The following COL28A1 variants were observed in gnomAD, a reference collection of about 807,000 sequenced individuals.
The protein encoded by COL28A1 is collagen alpha-1(XXVIII) chain.
Under a neutral mutation model 150.2 loss-of-function variants are expected in COL28A1, and 161 were observed. The observed-to-expected ratio is 1.07, with a 90% CI of 0.94 to 1.22. COL28A1 has a LOEUF of 1.22. COL28A1 is among the 50% of genes most tolerant of loss of function. The probability of loss-of-function intolerance (pLI) is 0.00; values close to 1 mark genes in which losing one functional copy is unlikely to be tolerated. For synonymous variants in COL28A1, 552 were observed against 469.7 expected (o/e 1.18, Z -2.26); for missense variants, 1,617 against 1,388.3 (o/e 1.16, Z -2.62).
intron 25 of COL28A1, among the ~76,000 whole-genome samples, chr7:7,429,819 G>C (rs940649227): frequency 1.3e-5 from 2 of 152,168 alleles, no homozygotes; most frequent in Admixed American, 1.3e-4. Context: ...TTCTCCCCCG[G>C]GCTCTGCCTG....
At chr7:7,429,460 C>T (rs188239414) in intron 25 of COL28A1, among the ~76,000 whole-genome samples, 1,307 of 130,552 alleles carry the variant, frequency 0.01, 36 homozygotes, top group African/African-American at 0.042. Flanking sequence ...TCTCTGTGCT[C>T]TGTGTGTGTG....
chr7:7,401,307 G>A (rs1270584263), intron 27 of COL28A1, among the ~76,000 whole-genome samples: 4 of 151,734 alleles, frequency 2.6e-5, no homozygotes, highest in Admixed American at 6.6e-5. Flanking sequence ...CTCTCCACAC[G>A]TCCTCATCCA....
chr7:7,514,106 C>A (rs1781294930), intron 8 of COL28A1, among the ~76,000 whole-genome samples: 1 of 152,204 alleles, frequency 6.6e-6, no homozygotes, highest in African/African-American at 2.4e-5. Flanking sequence ...TGAAATTAAT[C>A]TTTTCAAAAA....
At position 7,441,635 on chromosome 7, in the gene COL28A1, G is replaced by A. The variant is rs1314100706; in HGVS notation, c.1651-774C>T. Among the ~76,000 whole-genome samples the A allele has an allele frequency of 2.6e-5, 4 of 152,084 alleles. No homozygotes were observed. The East Asian group carries it at 7.7e-4, about 29-fold the overall frequency. ...GTTGAGCAACAGAATCACCTGGAGA[G>A]CTTGTTAGACCACAGATTGCTGGGC... On this transcript the variant is annotated intron_variant, in intron 20 of 34. Transcript: ENST00000399429.
intron 22 of COL28A1, among the ~76,000 whole-genome samples, chr7:7,437,151 T>G (rs1785403365): frequency 6.6e-6 from 1 of 152,178 alleles, no homozygotes; most frequent in Admixed American, 6.6e-5. Flanking sequence ...GCATTAGGGT[T>G]TAGGATTTGG....
the COL28A1 span, among the ~76,000 whole-genome samples, chr7:7,346,086 T>TAGG: frequency 3.9e-5 from 6 of 152,168 alleles, no homozygotes; most frequent in Non-Finnish European, 8.8e-5. Context: ...CTACTAAAAC[T>TAGG]AAAGTTTAAG....
At chr7:7,356,271 G>A (rs945698344), downstream of COL28A1, 2 of 152,116 alleles carry the variant, frequency 1.3e-5, no homozygotes, top group African/African-American at 2.4e-5. Flanking sequence ...GATATATAGA[G>A]TTTTACATGT....
the COL28A1 span, among the ~76,000 whole-genome samples, chr7:7,341,810 G>A: frequency 1.3e-5 from 2 of 152,032 alleles, no homozygotes; most frequent in African/African-American, 4.8e-5. Context: ...CAGAGAAAAT[G>A]CTTTGCCTTT....
chr7:7,364,951 G>A (rs763368802), intron 33 of COL28A1, among the ~76,000 whole-genome samples: 2 of 152,090 alleles, frequency 1.3e-5, no homozygotes, highest in East Asian at 1.9e-4. Flanking sequence ...TGCAAAGAGC[G>A]AAAGAGAAAG....
At chr7:7,521,828 C>T (rs1781740652) in intron 5 of COL28A1, 77 bp downstream of exon 5, 1 of 819,904 alleles carries the variant, frequency 1.2e-6, no homozygotes, top group Non-Finnish European at 2.2e-6. Flanking sequence ...GCAAAATAGC[C>T]CCGATGTTTT....
intron 20 of COL28A1, among the ~76,000 whole-genome samples, 197 bp downstream of exon 20, chr7:7,443,388 C>G (rs963624201): frequency 5.3e-5 from 8 of 152,046 alleles, no homozygotes; most frequent in Non-Finnish European, 1.2e-4. Context: ...CTGGGTCTTA[C>G]AATAGACGTT....
intron 5 of COL28A1, 73 bp downstream of exon 5, chr7:7,521,832 A>G (rs1781741101): frequency 1.3e-5 from 11 of 827,746 alleles, no homozygotes; most frequent in Non-Finnish European, 2.4e-5. Flanking sequence ...AATAGCCCCG[A>G]TGTTTTCAAG....
chr7:7,465,555 C>A (rs1256635988), intron 15 of COL28A1, among the ~76,000 whole-genome samples: 3 of 138,830 alleles, frequency 2.2e-5, no homozygotes, highest in African/African-American at 8.1e-5. Context: ...CCCAGGCTTG[C>A]TTAGGTAAAC....
At position 7,531,479 on chromosome 7, in the gene COL28A1, A is replaced by G; in HGVS notation, c.550T>C (p.Ser184Pro). ...GTAGAAAGTGCAATGGTGATAAATG[A>G]TATTCCTGAAATTCTGGCATCTTCA... ...ISEDARISGISFITIALSTVV... is the reference protein window; with the variant it reads ...ISEDARISGIPFITIALSTVV... The change falls in exon 3 of 35, where the codon TCA becomes CCA. Residue 184 changes from serine to proline, a missense_variant. Physicochemically the swap from Ser to Pro is moderately conservative, Grantham distance 74 (BLOSUM62 -1). Coordinates refer to ENST00000399429, the MANE Select transcript of COL28A1 (RefSeq NM_001037763.3). The G allele has an allele frequency of 4.4e-6, 7 of 1,603,800 alleles. No homozygotes were observed. Among genetic ancestry groups the G allele is most frequent in the Non-Finnish European group, 5.1e-6 (6 of 1,170,680 alleles).
chr7:7,417,917 C>G lies in COL28A1; in HGVS notation c.2078G>C (p.Gly693Ala), dbSNP rs753951922. The G allele has an allele frequency of 4.0e-5, 65 of 1,605,092 alleles. No individual in the cohort carries two copies. Among genetic ancestry groups the G allele is most frequent in the Middle Eastern group, 1.6e-4 (1 of 6,072 alleles). Residue 693 changes from glycine (G) to alanine (A), a missense_variant, in exon 27 of 35, where the codon GGG (glycine) becomes GCG (alanine). Transcript: ENST00000399429. ...VGTQGPKGDT[G>A]QKGLPGPPGP... ...AGGAGGGCCAGGCAAGCCTTTCTGCCCAGTATCACCCTGTTAGAAGATGGG... is the reference window on the plus strand; with the variant it reads ...AGGAGGGCCAGGCAAGCCTTTCTGCGCAGTATCACCCTGTTAGAAGATGGG...
intron 18 of COL28A1, among the ~76,000 whole-genome samples, chr7:7,450,844 C>A (rs73346306): frequency 6.6e-6 from 1 of 151,838 alleles, no homozygotes; most frequent in Non-Finnish European, 1.5e-5. Flanking sequence ...TACTATAACG[C>A]GATTAATATC....
chr7:7,515,806 C>T lies in COL28A1; in HGVS notation c.882+8G>A, dbSNP rs762578395. On this transcript the variant is annotated splice_region_variant and intron_variant, in intron 8 of 34. Coordinates refer to ENST00000399429, the MANE Select transcript of COL28A1 (RefSeq NM_001037763.3). ...TTCTGGTCAATCTATTTGTTGTTAC[C>T]AACTTACCTTGTCACCCTTGTACCC... 25 of 1,033,548 alleles carry T rather than the reference C, an allele frequency of 2.4e-5. No individual in the cohort carries two copies. In the Admixed American group the frequency reaches 4.3e-4, roughly 18 times the overall value. 64.0% of individuals were successfully genotyped at this position (1,033,548 alleles called of 1,614,324 possible).
chr7:7,418,065 T>C (rs1316987942), intron 26 of COL28A1, 138 bp from the exon 27 acceptor site: 5 of 613,456 alleles, frequency 8.2e-6, no homozygotes, highest in Middle Eastern at 6.0e-4. Context: ...CTACTTCCTA[T>C]TTTACTTAGA....
At chr7:7,521,798 A>C in intron 5 of COL28A1, 107 bp downstream of exon 5, 1 of 737,140 alleles carries the variant, frequency 1.4e-6, no homozygotes, top group Non-Finnish European at 2.5e-6. Context: ...CCCATTTCCA[A>C]ACAATTGCTT....
Sources: gnomAD v4.1 joint callset for allele counts (sites outside exome capture counted in the v4.1 genomes callset) on GRCh38, gnomAD v4.1.1 for gene constraint, MANE v1.5 for transcripts, NCBI Gene and HGNC (gene_info 2026-07-23, HGNC 2026-07-21) for gene names.